MAF: variants seen among roughly 807,000 people sequenced by gnomAD.
MAF encodes transcription factor Maf.
In MAF, 10 loss-of-function variants were observed where a neutral mutation model predicts 22.0. The observed-to-expected ratio is 0.45, with a 90% CI of 0.28 to 0.77. The LOEUF (loss-of-function observed/expected upper bound fraction) is 0.77, where lower values mean the gene tolerates loss of function less well. Ranked by LOEUF, MAF falls within the 30% of genes least tolerant of loss-of-function variation. The pLI is 0.12. For missense variants in MAF, 544 were observed against 548.4 expected, an observed-to-expected ratio of 0.99 and a Z score of 0.08; for synonymous variants, 337 against 255.8, an observed-to-expected ratio of 1.32 and a Z score of -3.03.
the MAF span, among the ~76,000 whole-genome samples, chr16:79,493,469 C>T: frequency 5.2e-4 from 79 of 152,104 alleles, 1 homozygote; most frequent in Non-Finnish European, 2.8e-4. Flanking sequence ...AATGAGCCAC[C>T]GCACCTGGCC....
the MAF span, among the ~76,000 whole-genome samples, chr16:79,565,973 C>T: frequency 6.6e-6 from 1 of 152,156 alleles, no homozygotes; most frequent in Admixed American, 6.5e-5. Context: ...TCAAGTCTGG[C>T]AGACTCTAGG....
At chr16:79,553,294 A>T in the MAF span, among the ~76,000 whole-genome samples, 1 of 152,214 alleles carries the variant, frequency 6.6e-6, no homozygotes, top group African/African-American at 2.4e-5. Flanking sequence ...TGGCAGAGAA[A>T]TCTGCATTCA....
At chr16:79,203,054 T>G in the MAF span, 3 of 152,230 alleles carry the variant, frequency 2.0e-5, no homozygotes, top group African/African-American at 7.2e-5. Flanking sequence ...CGAGGCAGAA[T>G]TATTTACCCG....
At chr16:79,482,053 G>A in the MAF span, among the ~76,000 whole-genome samples, 1 of 152,158 alleles carries the variant, frequency 6.6e-6, no homozygotes, top group Admixed American at 6.5e-5. Flanking sequence ...GCAGGGGTTC[G>A]GGGGCAGGCA....
chr16:79,468,343 G>A, the MAF span, among the ~76,000 whole-genome samples: 1 of 152,190 alleles, frequency 6.6e-6, no homozygotes, highest in Non-Finnish European at 1.5e-5. Context: ...CCCTGCCTGT[G>A]TCCAGCCCTC....
the MAF span, among the ~76,000 whole-genome samples, chr16:79,220,172 C>G: frequency 6.9e-6 from 1 of 144,338 alleles, no homozygotes; most frequent in African/African-American, 2.6e-5. Context: ...AGGAGAATTG[C>G]TTGAGCCCAG....
chr16:79,468,033 A>T, the MAF span, among the ~76,000 whole-genome samples: 1 of 152,172 alleles, frequency 6.6e-6, no homozygotes, highest in African/African-American at 2.4e-5. Context: ...ACAGAAATTT[A>T]ATTAAATTAG....
the MAF span, chr16:79,211,761 C>G: frequency 6.2e-7 from 1 of 1,614,162 alleles, no homozygotes; most frequent in Admixed American, 1.7e-5. Flanking sequence ...CAGCGAGAGG[C>G]TGATCCAAGA....
the MAF span, among the ~76,000 whole-genome samples, chr16:79,251,060 C>A: frequency 6.6e-6 from 1 of 151,786 alleles, no homozygotes; most frequent in Admixed American, 6.6e-5. Flanking sequence ...TTCAGAGCAA[C>A]CCTGATGATA....
chr16:79,334,855 G>A, the MAF span, among the ~76,000 whole-genome samples: 73 of 98,472 alleles, frequency 7.4e-4, no homozygotes, highest in Middle Eastern at 4.9e-3. Context: ...GTGTGTGTGT[G>A]TGTGTGTATG....
chr16:79,379,077 G>A, the MAF span, among the ~76,000 whole-genome samples: 1 of 152,204 alleles, frequency 6.6e-6, no homozygotes, highest in African/African-American at 2.4e-5. Flanking sequence ...TAAAGATCAA[G>A]AGTCAGCTTG....
At chr16:79,500,909 T>C in the MAF span, among the ~76,000 whole-genome samples, 35 of 152,266 alleles carry the variant, frequency 2.3e-4, no homozygotes, top group South Asian at 6.2e-3. Context: ...GCCCAGTTTC[T>C]CTGTTAGGGA....
At chr16:79,593,081 G>GA (rs888582298), downstream of MAF, among the ~76,000 whole-genome samples, 3 of 151,856 alleles carry the variant, frequency 2.0e-5, no homozygotes, top group Non-Finnish European at 2.9e-5. Context: ...AGCCAAAACA[G>GA]AAAAAAACAA....
the MAF span, among the ~76,000 whole-genome samples, chr16:79,478,745 T>C: frequency 3.3e-5 from 5 of 152,094 alleles, no homozygotes; most frequent in African/African-American, 1.2e-4. Flanking sequence ...CATACCTGGA[T>C]GTCATCCTAG....
chr16:79,329,787 C>T, the MAF span, among the ~76,000 whole-genome samples: 1 of 152,064 alleles, frequency 6.6e-6, no homozygotes, highest in Non-Finnish European at 1.5e-5. Context: ...AACCAGTATG[C>T]CTTCTACTTA....
the MAF span, among the ~76,000 whole-genome samples, chr16:79,514,177 G>A: frequency 2.6e-5 from 4 of 152,186 alleles, no homozygotes; most frequent in Non-Finnish European, 5.9e-5. Flanking sequence ...AAGCTCTTCC[G>A]GCTTGTTGGA....
At chr16:79,506,663 A>T in the MAF span, among the ~76,000 whole-genome samples, 1 of 152,144 alleles carries the variant, frequency 6.6e-6, no homozygotes, top group South Asian at 2.1e-4. Flanking sequence ...GCTGGATGGA[A>T]CTGTGTTGAG....
At chr16:79,514,413 T>C in the MAF span, among the ~76,000 whole-genome samples, 1 of 152,214 alleles carries the variant, frequency 6.6e-6, no homozygotes, top group Non-Finnish European at 1.5e-5. Context: ...ACAAATAATA[T>C]GGAAATATTC....
At chr16:79,369,297 C>T in the MAF span, among the ~76,000 whole-genome samples, 25 of 152,268 alleles carry the variant, frequency 1.6e-4, no homozygotes, top group African/African-American at 4.6e-4. Context: ...ACAACACAGA[C>T]GGGATCCCTG....
Sources: allele counts gnomAD v4.1 joint callset (sites outside exome capture counted in the v4.1 genomes callset), GRCh38; gene constraint gnomAD v4.1.1; transcripts MANE v1.5; gene names NCBI Gene and HGNC (gene_info 2026-07-23, HGNC 2026-07-21).